The following HSD17B3 variants were observed in gnomAD, a reference collection of about 807,000 sequenced individuals.
HSD17B3 encodes the protein 17-beta-hydroxysteroid dehydrogenase type 3.
Under a neutral mutation model 41.1 loss-of-function variants are expected in HSD17B3, and 29 were observed. The observed-to-expected ratio is 0.71, with a 90% CI of 0.53 to 0.96. HSD17B3 has a LOEUF of 0.96. HSD17B3 is among the 40% of genes least tolerant of loss of function. The pLI, the probability that HSD17B3 is intolerant of heterozygous loss-of-function variation, is 0.00. For missense variants in HSD17B3, 323 were observed against 374.6 expected (o/e 0.86, Z 1.14); for synonymous variants, 126 against 145.6 (o/e 0.87, Z 0.97).
chr9:96,257,727 G>C lies in HSD17B3; in HGVS notation c.202-2784C>G, dbSNP rs911767994. 2.0e-5 allele frequency among the ~76,000 whole-genome samples: 3 copies of C among 152,174 alleles called. No homozygotes were observed. In the South Asian group the frequency reaches 6.2e-4, roughly 32 times the overall value. ...TTTTCCTATTACCACTCTTGCTACA[G>C]TGCAAGCCCTTCTACATAGCTCTTA... On this transcript the variant is annotated intron_variant, in intron 2 of 10. Transcript: ENST00000375263.
At chr9:96,277,160 C>G (rs1826494373) in intron 2 of HSD17B3, among the ~76,000 whole-genome samples, 1 of 148,704 alleles carries the variant, frequency 6.7e-6, no homozygotes, top group East Asian at 2.0e-4. Flanking sequence ...GAGATCACAC[C>G]ACTGCACTCC....
intron 7 of HSD17B3, 37 bp downstream of exon 7, chr9:96,246,519 G>C (rs773455677): frequency 6.2e-7 from 1 of 1,604,430 alleles, no homozygotes; most frequent in Non-Finnish European, 8.5e-7. Context: ...GGGCAGGGAG[G>C]CCATGTTGCT....
intron 2 of HSD17B3, among the ~76,000 whole-genome samples, chr9:96,259,706 A>G (rs7040523): frequency 0.19 from 28,144 of 148,060 alleles, 2,782 homozygotes; most frequent in Non-Finnish European, 0.21. Flanking sequence ...GGGCGACAGA[A>G]CAAGACTCCG....
chr9:96,287,936 G>A (rs1223415466), intron 2 of HSD17B3, among the ~76,000 whole-genome samples: 2 of 150,428 alleles, frequency 1.3e-5, no homozygotes, highest in Admixed American at 6.6e-5. Flanking sequence ...ACAAAATGGA[G>A]TATATCCATA....
rs12337479 is a variant in HSD17B3 at position 96,255,353 on chromosome 9, C to A, written c.202-410G>T. Among the ~76,000 whole-genome samples, 14 of 109,436 alleles carry A rather than the reference C, an allele frequency of 1.3e-4. No individual in the cohort carries two copies. The South Asian group carries it at 4.2e-3, about 33-fold the overall frequency. 71.8% of individuals were successfully genotyped at this position (109,436 alleles called of 152,430 possible). On this transcript the variant is annotated intron_variant, in intron 2 of 10. Coordinates refer to ENST00000375263, the MANE Select transcript of HSD17B3 (RefSeq NM_000197.2). ...GCATCCCATAATAAAAGCAGTGTTT[C>A]TGCCCCAACATTTCTTTTTTTTTTT...
intron 6 of HSD17B3, 80 bp from the exon 7 acceptor site, chr9:96,246,670 G>C: frequency 7.8e-7 from 1 of 1,273,892 alleles, no homozygotes; most frequent in East Asian, 2.3e-5. Flanking sequence ...AGGGAAGGGA[G>C]CGCGGGAGGA....
At chr9:96,298,251 AG>A (rs1564066985) in intron 2 of HSD17B3, among the ~76,000 whole-genome samples, 164 bp downstream of exon 2, 1 of 152,196 alleles carries the variant, frequency 6.6e-6, no homozygotes, top group Non-Finnish European at 1.5e-5. Context: ...AAAGAGATCC[AG>A]GGAGTGAGAT....
intron 2 of HSD17B3, among the ~76,000 whole-genome samples, chr9:96,266,183 T>G (rs1826038700): frequency 2.0e-5 from 3 of 152,250 alleles, no homozygotes; most frequent in African/African-American, 7.2e-5. Flanking sequence ...ATTGAAATCC[T>G]TTTAAACCAT....
chr9:96,237,542 G>T (rs78923094), intron 10 of HSD17B3, among the ~76,000 whole-genome samples: 1 of 152,140 alleles, frequency 6.6e-6, no homozygotes, highest in African/African-American at 2.4e-5. Context: ...TTCCTGCCTC[G>T]GTCCCAGCCC....
chr9:96,291,024 G>C (rs1390100898), intron 2 of HSD17B3, among the ~76,000 whole-genome samples: 1 of 151,954 alleles, frequency 6.6e-6, no homozygotes, highest in Admixed American at 6.6e-5. Flanking sequence ...TGGGGAGCTG[G>C]GTCTTCCACG....
chr9:96,278,370 TAAG>T (rs1181545866), intron 2 of HSD17B3, among the ~76,000 whole-genome samples: 6 of 152,244 alleles, frequency 3.9e-5, no homozygotes, highest in Non-Finnish European at 5.9e-5. Flanking sequence ...TTCAATATAT[TAAG>T]AAGTCATACA....
chr9:96,271,044 G>T (rs1038571370), intron 2 of HSD17B3, among the ~76,000 whole-genome samples: 1 of 151,962 alleles, frequency 6.6e-6, no homozygotes, highest in Non-Finnish European at 1.5e-5. Flanking sequence ...TGAGCCAGCA[G>T]TCTTACCGAT....
Position 96,236,552 on chromosome 9 carries a change from T to TAAAA in HSD17B3, c.823-986_823-983dup, listed in dbSNP as rs566362856. ...ATAAATAAATAAATAAATAAATAAA[T>TAAAA]AAAATGAGGATCCAGGAGAGAATCA... On this transcript the variant is annotated intron_variant, in intron 10 of 10. Transcript: ENST00000375263. Among the ~76,000 whole-genome samples the TAAAA allele has an allele frequency of 4.4e-3, 656 of 150,400 alleles. 3 individuals carry two copies. The highest frequency in any genetic ancestry group is 0.016 in the African/African-American group (627 of 40,444).
chr9:96,248,762 G>A (rs1027382486), intron 6 of HSD17B3, among the ~76,000 whole-genome samples: 2 of 152,202 alleles, frequency 1.3e-5, no homozygotes, highest in Admixed American at 6.5e-5. Flanking sequence ...GCCTCAAGCT[G>A]TGTCCATTCT....
intron 2 of HSD17B3, among the ~76,000 whole-genome samples, chr9:96,259,791 T>C (rs1034897141): frequency 1.1e-4 from 16 of 152,186 alleles, no homozygotes; most frequent in African/African-American, 3.6e-4. Context: ...TACTTATTTT[T>C]CTATATATTC....
chr9:96,292,039 T>C (rs1164343088), intron 2 of HSD17B3, among the ~76,000 whole-genome samples: 1 of 150,232 alleles, frequency 6.7e-6, no homozygotes, highest in Non-Finnish European at 1.5e-5. Flanking sequence ...TGCAAAGAAA[T>C]AGAAGATGTA....
At chr9:96,295,180 T>C (rs557298738) in intron 2 of HSD17B3, among the ~76,000 whole-genome samples, 9 of 151,474 alleles carry the variant, frequency 5.9e-5, no homozygotes, top group Non-Finnish European at 1.3e-4. Flanking sequence ...CTAATTTTTG[T>C]ATTTTTAGTA....
intron 9 of HSD17B3, among the ~76,000 whole-genome samples, chr9:96,242,014 A>AGAAAG (rs11453214): frequency 2.2e-5 from 3 of 133,704 alleles, no homozygotes; most frequent in Non-Finnish European, 4.9e-5. Context: ...AGAGAAAGAA[A>AGAAAG]AGAAAGAAAA....
intron 2 of HSD17B3, among the ~76,000 whole-genome samples, chr9:96,274,257 G>A (rs956177366): frequency 5.3e-5 from 8 of 152,008 alleles, no homozygotes; most frequent in Non-Finnish European, 1.0e-4. Flanking sequence ...TGGCCAACAT[G>A]GTGAAACCCC....
Sources: gnomAD v4.1 joint callset for allele counts (sites outside exome capture counted in the v4.1 genomes callset) on GRCh38, gnomAD v4.1.1 for gene constraint, MANE v1.5 for transcripts, NCBI Gene and HGNC (gene_info 2026-07-23, HGNC 2026-07-21) for gene names.